Variants in PDE6A observed in about 807,000 individuals in gnomAD.
PDE6A encodes phosphodiesterase 6A, also known as rod cGMP-specific 3',5'-cyclic phosphodiesterase subunit alpha.
PDE6A carries 84 observed loss-of-function variants against 106.3 expected under a neutral mutation model. The observed-to-expected ratio is 0.79, with a 90% CI of 0.66 to 0.95. The LOEUF (loss-of-function observed/expected upper bound fraction) is 0.95. Among genes scored for constraint, PDE6A ranks in the 40% least tolerant of loss-of-function variants. PDE6A has a pLI of 0.00. For synonymous variants in PDE6A, 394 were observed against 386.6 expected (o/e 1.02, Z -0.23); for missense variants, 1,052 against 1,084.9 (o/e 0.97, Z 0.43).
chr5:149,884,800 T>G lies in PDE6A; in HGVS notation c.1906A>C (p.Lys636Gln), dbSNP rs751768888. The G allele has an allele frequency of 1.2e-6, 2 of 1,614,174 alleles. No individual in the cohort carries two copies. Among genetic ancestry groups the G allele is most frequent in the Admixed American group, 3.3e-5 (2 of 60,024 alleles). The change falls in exon 15 of 22, where the codon AAA becomes CAA. Residue 636 changes from lysine (K) to glutamine (Q), a missense_variant. Physicochemically the swap from Lys to Gln is moderately conservative, Grantham distance 53 (BLOSUM62 1). Transcript: ENST00000255266. ...CCTACCTCGTCTCTGAGCAGTGTTT[T>G]GCCAAACTCCAAGTGGTGTCTTTCC... ...ILERHHLEFG[K>Q]TLLRDESLNI...
intron 17 of PDE6A, among the ~76,000 whole-genome samples, chr5:149,870,771 CAAAAAAA>C (rs3078093): frequency 1.7e-4 from 11 of 64,408 alleles, no homozygotes; most frequent in Admixed American, 7.5e-4. Context: ...GAACACAGGG[CAAAAAAA>C]AAAAAAAAAA....
chr5:149,870,967 AAAAG>A, intron 17 of PDE6A, among the ~76,000 whole-genome samples: 1 of 152,044 alleles, frequency 6.6e-6, no homozygotes, highest in African/African-American at 2.4e-5. Flanking sequence ...AGAAAAGAAA[AAAAG>A]AACCCAAAAG....
At position 149,899,436 on chromosome 5, in the gene PDE6A, G is replaced by A. The variant is rs769697401; in HGVS notation, c.1202C>T (p.Ala401Val). The A allele has an allele frequency of 6.2e-6, 10 of 1,613,910 alleles. No individual in the cohort carries two copies. The East Asian group carries it at 2.2e-4, about 36-fold the overall frequency. The change falls in exon 9 of 22, where the codon GCC becomes GTC. Residue 401 changes from alanine to valine, a missense_variant. Physicochemically the swap from Ala to Val is moderately conservative, Grantham distance 64. Transcript: ENST00000255266. ...VNKKEEIVGV[A>V]TFYNRKDGKP... ...CCCATCTTTACGATTGTAAAATGTG[G>A]CCACTCCAACAATTTCTTCCTTCTT...
chr5:149,943,730 G>A (rs1173254614), intron 1 of PDE6A, among the ~76,000 whole-genome samples: 2 of 151,122 alleles, frequency 1.3e-5, no homozygotes, highest in African/African-American at 2.4e-5. Flanking sequence ...TGGAGGTACT[G>A]TGTGGAAGTA....
intron 4 of PDE6A, among the ~76,000 whole-genome samples, chr5:149,927,746 CT>C (rs1753902468): frequency 6.6e-6 from 1 of 151,506 alleles, no homozygotes; most frequent in South Asian, 2.1e-4. Context: ...ATTCTTTTTT[CT>C]TTTTTTATGT....
rs1233070196 is a variant in PDE6A at position 149,903,154 on chromosome 5, A to AAC, written c.1113+493_1113+494insGT. Among the ~76,000 whole-genome samples, 92 of 148,570 alleles carry AAC rather than the reference A, an allele frequency of 6.2e-4. 2 individuals carry two copies. Among genetic ancestry groups the AAC allele is most frequent in the Non-Finnish European group, 5.2e-4 (35 of 67,396 alleles). ...ACAGAGTGAGACCCTCTCTAAAAAA[A>AAC]AAAAAAAAAAAAAACAAAAGAAAAC... On this transcript the variant is annotated intron_variant, in intron 8 of 21. Coordinates refer to ENST00000255266, the MANE Select transcript of PDE6A (RefSeq NM_000440.3).
chr5:149,863,095 TC>T lies in PDE6A; in HGVS notation c.2506+23del. The T allele has an allele frequency of 6.2e-7, 1 of 1,613,424 alleles. No homozygotes were observed. The highest frequency in any genetic ancestry group is 8.5e-7 in the Non-Finnish European group (1 of 1,179,694). On this transcript the variant is annotated intron_variant, in intron 21 of 21. Coordinates refer to ENST00000255266, the MANE Select transcript of PDE6A (RefSeq NM_000440.3). The surrounding 1 kb of genome is among the most constrained non-coding windows in gnomAD (Gnocchi z 4.7). ...TGCTCAGGGAGTGGGGTGGTGGGAG[TC>T]CCTGCTTCCCCCTTCCACAAACCTG...
intron 4 of PDE6A, among the ~76,000 whole-genome samples, chr5:149,922,424 G>A (rs895485446): frequency 1.3e-5 from 2 of 151,988 alleles, no homozygotes; most frequent in Admixed American, 6.6e-5. Flanking sequence ...CAATTCTCCT[G>A]GCTCAGCCTC....
intron 6 of PDE6A, among the ~76,000 whole-genome samples, chr5:149,914,178 C>A (rs1465780228): frequency 1.3e-5 from 2 of 152,164 alleles, no homozygotes; most frequent in Non-Finnish European, 2.9e-5. Flanking sequence ...ACTCAGAGCA[C>A]CTGACTCACA....
intron 19 of PDE6A, chr5:149,867,522 G>A (rs1760373911): frequency 1.5e-6 from 1 of 646,892 alleles, no homozygotes; most frequent in Admixed American, 2.2e-5. Context: ...GACCTAGGGT[G>A]AGGCTTGTGA....
intron 3 of PDE6A, chr5:149,932,547 T>C (rs1182170591): frequency 1.4e-6 from 2 of 1,446,310 alleles, no homozygotes; most frequent in African/African-American, 2.8e-5. Context: ...AACTCCTTTT[T>C]GGAATCCCTG....
rs767861672 is a variant in PDE6A at position 149,896,512 on chromosome 5, G to T, written c.1474-10C>A. 21 of 1,614,128 alleles carry T rather than the reference G, an allele frequency of 1.3e-5. No homozygotes were observed. The highest frequency in any genetic ancestry group is 1.7e-5 in the Non-Finnish European group (20 of 1,180,028). On this transcript the variant is annotated splice_polypyrimidine_tract_variant and intron_variant, in intron 11 of 21. Coordinates refer to ENST00000255266, the MANE Select transcript of PDE6A (RefSeq NM_000440.3). ...CTGGCAGCTCCGCTTGCTGTATAAG[G>T]AATAGAGTCAGGTGATTAGGAAACA...
At chr5:149,937,418 T>G (rs546154311) in intron 1 of PDE6A, among the ~76,000 whole-genome samples, 43 of 152,268 alleles carry the variant, frequency 2.8e-4, no homozygotes, top group African/African-American at 1.0e-3. Context: ...TGCTCTGCCA[T>G]CCAGGCTGGA....
At chr5:149,884,715 C>T in intron 15 of PDE6A, 65 bp downstream of exon 15, 1 of 1,516,768 alleles carries the variant, frequency 6.6e-7, no homozygotes, top group South Asian at 1.1e-5. Flanking sequence ...CACACTCAGG[C>T]TCCTTGTGAA....
intron 14 of PDE6A, among the ~76,000 whole-genome samples, chr5:149,886,047 G>C (rs899834167): frequency 7.2e-5 from 11 of 152,198 alleles, no homozygotes. Context: ...TTGTATGTAA[G>C]GCAACATATT....
chr5:149,913,201 G>A (rs1018241581), intron 6 of PDE6A, among the ~76,000 whole-genome samples: 1 of 151,976 alleles, frequency 6.6e-6, no homozygotes, highest in Admixed American at 6.6e-5. Flanking sequence ...GACCAACATG[G>A]CGAAACCCCA....
intron 17 of PDE6A, among the ~76,000 whole-genome samples, chr5:149,880,980 T>C (rs1760900187): frequency 1.3e-5 from 2 of 152,104 alleles, no homozygotes; most frequent in African/African-American, 4.8e-5. Context: ...CGAGAATTGC[T>C]TGAACCCAGG....
intron 1 of PDE6A, among the ~76,000 whole-genome samples, chr5:149,943,730 GTGTGGAAGTAC>G (rs1295022701): frequency 6.0e-5 from 9 of 151,240 alleles, no homozygotes; most frequent in East Asian, 3.9e-4. Context: ...TGGAGGTACT[GTGTGGAAGTAC>G]TGTGGAAGTA....
intron 8 of PDE6A, 124 bp downstream of exon 8, chr5:149,903,524 C>A: frequency 1.3e-6 from 1 of 775,998 alleles, no homozygotes; most frequent in South Asian, 1.4e-5. Flanking sequence ...GAATTTTATC[C>A]TGTCATATTT....
Sources: gnomAD v4.1 joint callset for allele counts (sites outside exome capture counted in the v4.1 genomes callset) on GRCh38, gnomAD v4.1.1 for gene constraint, Gnocchi (gnomAD v3.1) non-coding constraint, MANE v1.5 for transcripts, NCBI Gene and HGNC (gene_info 2026-07-23, HGNC 2026-07-21) for gene names.